DYNC2H1: variants seen among roughly 807,000 people sequenced by gnomAD.
DYNC2H1 encodes the protein dynein cytoplasmic 2 heavy chain 1, also known as cytoplasmic dynein 2 heavy chain 1.
In DYNC2H1, 410 loss-of-function variants were observed where a neutral mutation model predicts 570.0. The ratio of observed to expected loss-of-function variants is 0.72; its 90% confidence interval spans 0.66 to 0.78. The LOEUF (loss-of-function observed/expected upper bound fraction) is 0.78, where lower values mean the gene tolerates loss of function less well. DYNC2H1 is among the 30% of genes least tolerant of loss of function. DYNC2H1 has a pLI of 0.00. For synonymous variants in DYNC2H1, 1,688 were observed against 1,677.6 expected, an observed-to-expected ratio of 1.01 and a Z score of -0.15; for missense variants, 4,865 against 5,046.4, an observed-to-expected ratio of 0.96 and a Z score of 1.09.
In DYNC2H1 at chr11:103,176,273, A is replaced by C; in HGVS notation, c.5713A>C (p.Asn1905His). 6.5e-7 allele frequency: 1 copy of C among 1,542,334 alleles called. No homozygotes were observed. The highest frequency in any genetic ancestry group is 8.7e-7 in the Non-Finnish European group (1 of 1,143,372). Residue 1905 changes from asparagine to histidine, a missense_variant, in exon 37 of 89, where the codon AAT (asparagine) becomes CAT (histidine). Around this residue, in one of 5 missense-constraint regions of DYNC2H1, gnomAD observed 292 missense variants for 300.2 expected, o/e 0.97. Coordinates refer to ENST00000375735, the MANE Select transcript of DYNC2H1 (RefSeq NM_001377.3). ...SHIVVQALRL[N>H]TMSKFTFTDC... ...TATTGTGGTACAAGCACTGAGGCTT[A>C]ATACCATGTCAAAGTTTACGTTTAC...
At chr11:103,207,351 CATT>C (rs1459212532) in intron 52 of DYNC2H1, among the ~76,000 whole-genome samples, 2 of 150,008 alleles carry the variant, frequency 1.3e-5, no homozygotes, top group Non-Finnish European at 3.0e-5. Context: ...AGAATAATAT[CATT>C]GAGTAAGTGC....
At chr11:103,284,337 T>C (rs1271284432) in intron 73 of DYNC2H1, among the ~76,000 whole-genome samples, 2 of 152,182 alleles carry the variant, frequency 1.3e-5, no homozygotes, top group Non-Finnish European at 2.9e-5. Context: ...TCTATTGTAA[T>C]AGTCCTGAAA....
chr11:103,428,619 CT>C (rs1565591690), intron 84 of DYNC2H1, among the ~76,000 whole-genome samples: 1 of 152,080 alleles, frequency 6.6e-6, no homozygotes, highest in African/African-American at 2.4e-5. Flanking sequence ...AAACTCTGTC[CT>C]ATTAAACAAC....
At chr11:103,306,405 A>G (rs949430196) in intron 77 of DYNC2H1, among the ~76,000 whole-genome samples, 2 of 152,108 alleles carry the variant, frequency 1.3e-5, no homozygotes, top group South Asian at 4.1e-4. Flanking sequence ...ATAACTGATT[A>G]TTATTTGCTT....
intron 83 of DYNC2H1, among the ~76,000 whole-genome samples, chr11:103,372,811 A>T (rs1941227027): frequency 6.6e-6 from 1 of 152,206 alleles, no homozygotes; most frequent in East Asian, 1.9e-4. Context: ...AGTTTGAAGA[A>T]CATTGGTATT....
rs568834078 is a variant in DYNC2H1 at position 103,199,611 on chromosome 11, A to G, written c.8088+135A>G. 68 of 807,316 alleles carry G rather than the reference A, an allele frequency of 8.4e-5. No homozygotes were observed. The East Asian group carries it at 2.0e-3, about 24-fold the overall frequency. The allele number at this position is 807,316 out of a possible 1,614,324, so 50.0% of individuals were successfully genotyped here. On this transcript the variant is annotated intron_variant, in intron 49 of 88. Transcript: ENST00000375735. The surrounding 1 kb of genome is among the most constrained non-coding windows in gnomAD (Gnocchi z 4.6). ...CTTTAAAGAACTAAAGTTCTCTGTT[A>G]TACAATGTAGTCTTTATTTTAATTT...
intron 77 of DYNC2H1, among the ~76,000 whole-genome samples, chr11:103,307,494 G>C (rs1044194154): frequency 6.6e-5 from 10 of 152,082 alleles, no homozygotes; most frequent in Non-Finnish European, 1.5e-4. Context: ...TAGTGGCAAA[G>C]TATGAATTTC....
At chr11:103,287,407 A>G (rs1866392812) in intron 74 of DYNC2H1, 126 bp from the exon 75 acceptor site, 2 of 744,444 alleles carry the variant, frequency 2.7e-6, no homozygotes, top group Non-Finnish European at 4.3e-6. Flanking sequence ...AGTAAATAAT[A>G]TGGAACAATG....
Position 103,156,562 on chromosome 11 carries a change from T to G in DYNC2H1, c.3919T>G (p.Cys1307Gly), listed in dbSNP as rs1447570503. ...AGTAAATCAGGTTGGAGATAATAGA[T>G]GCCTTCTCCAATCCTTAAAGGATTC... Reference protein sequence around the residue: ...DIVNQVGDNRCLLQSLKDSPY... With the variant: ...DIVNQVGDNRGLLQSLKDSPY... The change falls in exon 26 of 89, where the codon TGC becomes GGC. Residue 1307 changes from cysteine to glycine, a missense_variant. Cys to Gly is a radical substitution (Grantham distance 159). Around this residue, in one of 5 missense-constraint regions of DYNC2H1, gnomAD observed 1,936 missense variants for 1,962.1 expected, o/e 0.99. Coordinates refer to ENST00000375735, the MANE Select transcript of DYNC2H1 (RefSeq NM_001377.3). 1 of 1,613,790 alleles carries G rather than the reference T, an allele frequency of 6.2e-7. No homozygotes were observed. Among genetic ancestry groups the G allele is most frequent in the East Asian group, 2.2e-5 (1 of 44,850 alleles).
chr11:103,191,560 T>C lies in DYNC2H1; in HGVS notation c.7481T>C (p.Phe2494Ser). ...FTVDDYSHYF[F>S]TPCILTQWVL... The stretch of plus-strand genomic sequence containing the variant: ...GTTGATGATTATAGTCACTATTTCT[T>C]TACTCCTTGCATTCTTACCCAATGG... The change falls in exon 46 of 89, where the codon TTT becomes TCT. Residue 2494 changes from phenylalanine to serine, a missense_variant. Phe to Ser is a radical substitution (Grantham distance 155). Coordinates refer to ENST00000375735, the MANE Select transcript of DYNC2H1 (RefSeq NM_001377.3). 6.2e-7 allele frequency: 1 copy of C among 1,610,500 alleles called. No individual in the cohort carries two copies. Among genetic ancestry groups the C allele is most frequent in the African/African-American group, 1.3e-5 (1 of 75,000 alleles).
intron 72 of DYNC2H1, among the ~76,000 whole-genome samples, chr11:103,282,671 CA>C (rs1402080799): frequency 4.6e-5 from 7 of 151,868 alleles, no homozygotes; most frequent in Non-Finnish European, 8.8e-5. Context: ...GCAGTACACC[CA>C]AAATATAACA....
intron 85 of DYNC2H1, among the ~76,000 whole-genome samples, chr11:103,447,105 T>TATTA (rs1246706200): frequency 9.2e-5 from 14 of 152,166 alleles, no homozygotes; most frequent in Admixed American, 7.2e-4. Flanking sequence ...AATGAAATTG[T>TATTA]ATTACCTGAG....
At chr11:103,320,900 A>T (rs927979432) in intron 80 of DYNC2H1, 129 bp from the exon 81 acceptor site, 1 of 728,174 alleles carries the variant, frequency 1.4e-6, no homozygotes, top group Non-Finnish European at 2.2e-6. Flanking sequence ...TACTACTATT[A>T]ATAGTCATTT....
chr11:103,298,309 CT>C (rs1340801472), intron 75 of DYNC2H1, among the ~76,000 whole-genome samples: 1 of 152,070 alleles, frequency 6.6e-6, no homozygotes. Context: ...AAACAGGACA[CT>C]TTTCAGAGAG....
chr11:103,324,180 C>T lies in DYNC2H1; in HGVS notation c.12039+190C>T, dbSNP rs1178797684. Among the ~76,000 whole-genome samples the T allele has an allele frequency of 2.0e-5, 3 of 151,666 alleles. No individual in the cohort carries two copies. Among genetic ancestry groups the T allele is most frequent in the African/African-American group, 7.3e-5 (3 of 41,280 alleles). Reference sequence around the variant, plus strand: ...TTTTCTGATTTTTTTTCTTTTTAAACTTTTATTTTAGACTCAGGGGAAATG... The same window carrying T: ...TTTTCTGATTTTTTTTCTTTTTAAATTTTTATTTTAGACTCAGGGGAAATG... On this transcript the variant is annotated intron_variant, in intron 82 of 88. Coordinates refer to ENST00000375735, the MANE Select transcript of DYNC2H1 (RefSeq NM_001377.3). The surrounding 1 kb of genome is among the most constrained non-coding windows in gnomAD (Gnocchi z 5.2).
chr11:103,215,407 A>G (rs1863339387), intron 54 of DYNC2H1, among the ~76,000 whole-genome samples: 1 of 152,090 alleles, frequency 6.6e-6, no homozygotes, highest in Non-Finnish European at 1.5e-5. Context: ...TTTGATGATT[A>G]TCTGGTTTTT....
intron 83 of DYNC2H1, among the ~76,000 whole-genome samples, chr11:103,381,574 G>A (rs1209118477): frequency 6.6e-5 from 10 of 152,062 alleles, no homozygotes; most frequent in Non-Finnish European, 8.8e-5. Flanking sequence ...TCAACCTCCC[G>A]CGTAGCTGGG....
At chr11:103,388,867 T>C (rs909613123) in intron 83 of DYNC2H1, among the ~76,000 whole-genome samples, 29 of 152,320 alleles carry the variant, frequency 1.9e-4, no homozygotes, top group Middle Eastern at 3.4e-3. Context: ...TTCATCATGG[T>C]GGATAAGATT....
chr11:103,466,346 A>G (rs1180250121), intron 87 of DYNC2H1, among the ~76,000 whole-genome samples: 1 of 152,224 alleles, frequency 6.6e-6, no homozygotes, highest in Admixed American at 6.5e-5. Context: ...TAGAAACAAA[A>G]CACAGGAAAA....
Sources: allele counts gnomAD v4.1 joint callset (sites outside exome capture counted in the v4.1 genomes callset), GRCh38; gene constraint gnomAD v4.1.1; regional missense constraint gnomAD v4.1.1; non-coding constraint Gnocchi (gnomAD v3.1); transcripts MANE v1.5; gene names NCBI Gene and HGNC (gene_info 2026-07-23, HGNC 2026-07-21).